The following ALPK2 variants were observed in gnomAD, a reference collection of about 807,000 sequenced individuals.
ALPK2 encodes the protein alpha-protein kinase 2.
ALPK2 carries 127 observed loss-of-function variants against 163.1 expected under a neutral mutation model. The ratio of observed to expected loss-of-function variants is 0.78; its 90% CI spans 0.67 to 0.90. The LOEUF is 0.90. Ranked by LOEUF, ALPK2 falls within the 40% of genes least tolerant of loss-of-function variation. The pLI is 0.00. For synonymous variants in ALPK2, 953 were observed against 959.1 expected, an observed-to-expected ratio of 0.99 and a Z score of 0.12; for missense variants, 2,360 against 2,589.6, an observed-to-expected ratio of 0.91 and a Z score of 1.92.
intron 1 of ALPK2, among the ~76,000 whole-genome samples, chr18:58,621,081 A>C (rs893196375): frequency 2.0e-5 from 3 of 150,598 alleles, no homozygotes; most frequent in African/African-American, 7.3e-5. Flanking sequence ...TGAGCCTGGG[A>C]GGTTGAAGCT....
At chr18:58,525,407 A>G (rs1201594601) in intron 6 of ALPK2, among the ~76,000 whole-genome samples, 2 of 152,194 alleles carry the variant, frequency 1.3e-5, no homozygotes, top group African/African-American at 2.4e-5. Flanking sequence ...TCCTTCTCCA[A>G]GGCTCTAGGA....
At chr18:58,516,772 G>T in intron 9 of ALPK2, 136 bp downstream of exon 9, 2 of 1,071,364 alleles carry the variant, frequency 1.9e-6, no homozygotes, top group Non-Finnish European at 2.7e-6. Context: ...CCAGCATTGA[G>T]ATTGAATTGA....
intron 10 of ALPK2, among the ~76,000 whole-genome samples, chr18:58,513,795 C>T (rs945691830): frequency 2.6e-5 from 4 of 152,006 alleles, no homozygotes; most frequent in South Asian, 2.1e-4. Flanking sequence ...CACTTGAGCC[C>T]GGGAGGTCAA....
chr18:58,487,657 C>G (rs1050054292), intron 12 of ALPK2, among the ~76,000 whole-genome samples: 2 of 152,102 alleles, frequency 1.3e-5, no homozygotes, highest in Non-Finnish European at 2.9e-5. Flanking sequence ...ATTTTTTAGC[C>G]TATCTCTTTA....
Position 58,580,266 on chromosome 18 carries a change from A to G in ALPK2, c.510T>C (p.His170=). Residue 170 remains histidine, a synonymous_variant, in exon 4 of 13, where the codon CAT becomes CAC. Transcript: ENST00000361673. ...SADSSPSKSN[H]SLSLQSLGNL... is the part of the protein sequence containing the mutation. ...TGCCCAATGACTGGAGGGAGAGTGA[A>G]TGGTTGGATTTGGAGGGGGAGGAGT... 1.2e-6 allele frequency: 2 copies of G among 1,614,138 alleles called. No individual in the cohort carries two copies. Among genetic ancestry groups the G allele is most frequent in the Non-Finnish European group, 1.7e-6 (2 of 1,180,014 alleles).
intron 4 of ALPK2, among the ~76,000 whole-genome samples, chr18:58,571,867 T>C (rs1343160375): frequency 2.0e-5 from 3 of 150,936 alleles, no homozygotes; most frequent in African/African-American, 4.9e-5. Context: ...TCCCAGCTAC[T>C]TGGGAGGCTG....
At chr18:58,584,883 G>A (rs2051977733) in intron 3 of ALPK2, among the ~76,000 whole-genome samples, 1 of 152,166 alleles carries the variant, frequency 6.6e-6, no homozygotes, top group South Asian at 2.1e-4. Context: ...GCAGCATGCT[G>A]GCAGAGAGAC....
chr18:58,517,287 C>T, intron 8 of ALPK2, 105 bp from the exon 9 acceptor site: 1 of 1,195,190 alleles, frequency 8.4e-7, no homozygotes, highest in East Asian at 2.5e-5. Context: ...ACAAGGCTGA[C>T]CTGCAGAACC....
intron 12 of ALPK2, among the ~76,000 whole-genome samples, chr18:58,487,170 G>C (rs1421842737): frequency 2.0e-5 from 2 of 97,574 alleles, no homozygotes; most frequent in Non-Finnish European, 4.4e-5. Context: ...CATCATTACA[G>C]ATGGAATTTC....
chr18:58,614,483 T>A (rs1427203554), intron 1 of ALPK2, among the ~76,000 whole-genome samples: 1 of 152,222 alleles, frequency 6.6e-6, no homozygotes, highest in African/African-American at 2.4e-5. Context: ...CTCAGCATAA[T>A]GGCAAATTAG....
rs1405699053 is a variant in ALPK2 at position 58,585,872 on chromosome 18, C to T, written c.228-5324G>A. Reference sequence around the variant, plus strand: ...CTAATTTTTGTATTTTTAGTAGAGACGGGATTTCACCATGTTGGCCAGGCT... The same window carrying T: ...CTAATTTTTGTATTTTTAGTAGAGATGGGATTTCACCATGTTGGCCAGGCT... On this transcript the variant is annotated intron_variant, in intron 3 of 12. Coordinates refer to ENST00000361673, the MANE Select transcript of ALPK2 (RefSeq NM_052947.4). Among the ~76,000 whole-genome samples, 9 of 151,978 alleles carry T rather than the reference C, an allele frequency of 5.9e-5. No individual in the cohort carries two copies. In the East Asian group the frequency reaches 1.3e-3, roughly 23 times the overall value.
At chr18:58,624,312 G>C (rs1384442498) in intron 1 of ALPK2, among the ~76,000 whole-genome samples, 2 of 152,232 alleles carry the variant, frequency 1.3e-5, no homozygotes, top group Non-Finnish European at 2.9e-5. Context: ...AAGCTGGCCT[G>C]ATAAAACCAA....
chr18:58,523,631 A>T (rs1357586923), intron 8 of ALPK2, among the ~76,000 whole-genome samples, 175 bp downstream of exon 8: 1 of 151,668 alleles, frequency 6.6e-6, no homozygotes, highest in Non-Finnish European at 1.5e-5. Flanking sequence ...ATGGTATCTC[A>T]TTGTGGTTTT....
chr18:58,624,308 G>T (rs1295108568), intron 1 of ALPK2, among the ~76,000 whole-genome samples: 1 of 152,220 alleles, frequency 6.6e-6, no homozygotes, highest in African/African-American at 2.4e-5. Flanking sequence ...GCTAAAGCTG[G>T]CCTGATAAAA....
rs1362469797 is a variant in ALPK2 at position 58,517,012 on chromosome 18, A to T, written c.5836T>A (p.Phe1946Ile). ...AGCACACAGGCATGGCCAGGTTTGA[A>T]GACAGGCATGAGGCCGTGCATCACT... ...STVMHGLMPV[F>I]KPGHACVLKV... The change falls in exon 9 of 13, where the codon TTC becomes ATC. Residue 1946 changes from phenylalanine (F) to isoleucine (I), a missense_variant. By Grantham distance (21) the Phe-to-Ile change is conservative (BLOSUM62 0). Transcript: ENST00000361673. 6.2e-7 allele frequency: 1 copy of T among 1,614,096 alleles called. No homozygotes were observed. The highest frequency in any genetic ancestry group is 1.3e-5 in the African/African-American group (1 of 74,946).
At chr18:58,609,808 C>G (rs572375992) in intron 2 of ALPK2, among the ~76,000 whole-genome samples, 1 of 152,136 alleles carries the variant, frequency 6.6e-6, no homozygotes, top group Non-Finnish European at 1.5e-5. Context: ...AGTATCTGGG[C>G]GAGGGGACCA....
intron 9 of ALPK2, among the ~76,000 whole-genome samples, chr18:58,515,793 A>T (rs1467934129): frequency 2.6e-5 from 4 of 152,226 alleles, no homozygotes; most frequent in African/African-American, 7.2e-5. Context: ...ATCTAAGTTT[A>T]ACCTATGGAT....
intron 4 of ALPK2, among the ~76,000 whole-genome samples, chr18:58,550,340 C>G (rs1178212240): frequency 4.0e-5 from 6 of 150,762 alleles, no homozygotes; most frequent in African/African-American, 1.5e-4. Context: ...CTGCCTTCAT[C>G]ATGAACAACC....
At chr18:58,484,984 G>A (rs2051331519) in intron 12 of ALPK2, among the ~76,000 whole-genome samples, 1 of 152,112 alleles carries the variant, frequency 6.6e-6, no homozygotes, top group Non-Finnish European at 1.5e-5. Flanking sequence ...AGGGGCAGAG[G>A]GTGCCTGGCA....
Sources: gnomAD v4.1 joint callset for allele counts (sites outside exome capture counted in the v4.1 genomes callset) on GRCh38, gnomAD v4.1.1 for gene constraint, MANE v1.5 for transcripts, NCBI Gene and HGNC (gene_info 2026-07-23, HGNC 2026-07-21) for gene names.